The following CCDC28B variants were observed in gnomAD, a reference collection of about 807,000 sequenced individuals.
CCDC28B encodes the protein coiled-coil domain containing 28B.
A neutral mutation model predicts 18.7 loss-of-function variants in CCDC28B; 17 were observed. That is an observed-to-expected ratio of 0.91 (90% CI 0.62 to 1.36). The LOEUF is 1.36. Ranked by LOEUF, CCDC28B falls within the 40% of genes most tolerant of loss-of-function variation. The pLI is 0.00. For missense variants in CCDC28B, 213 were observed against 251.7 expected (o/e 0.85, Z 1.04); for synonymous variants, 116 against 105.1 (o/e 1.10, Z -0.64).
At chr1:32,201,168 C>T (rs574890038) in intron 1 of CCDC28B, among the ~76,000 whole-genome samples, 1 of 152,360 alleles carries the variant, frequency 6.6e-6, no homozygotes, top group South Asian at 2.1e-4. Context: ...GCAGCCCAGC[C>T]ACAGGCGCAG....
chr1:32,202,453 G>A, intron 2 of CCDC28B: 2 of 407,138 alleles, frequency 4.9e-6, no homozygotes, highest in South Asian at 2.0e-5. Flanking sequence ...GGGCCCTGGA[G>A]TATCAGGGAA....
intron 2 of CCDC28B, chr1:32,202,553 T>C (rs1643169341): frequency 2.8e-6 from 1 of 353,528 alleles, no homozygotes; most frequent in East Asian, 7.5e-5. Context: ...TGCCTTATAA[T>C]GTGTCCATGT....
chr1:32,203,877 A>C lies in CCDC28B; in HGVS notation c.165-2A>C. The C allele has an allele frequency of 6.7e-7, 1 of 1,502,334 alleles. No individual in the cohort carries two copies. The highest frequency in any genetic ancestry group is 1.4e-5 in the South Asian group (1 of 73,290). 93.1% of individuals were successfully genotyped at this position (1,502,334 alleles called of 1,614,324 possible). On this transcript the variant is annotated splice_acceptor_variant, in intron 2 of 5. Coordinates refer to ENST00000373602, the MANE Select transcript of CCDC28B (RefSeq NM_024296.5). LOFTEE classifies it high-confidence loss of function. ...GATCATGGTCATGTCCACCCCACCC[A>C]GAGTAGGCAAAGAGAAGTGCCGCCC...
At chr1:32,202,748 G>C (rs1043552824) in intron 2 of CCDC28B, 30 of 159,036 alleles carry the variant, frequency 1.9e-4, no homozygotes, top group Admixed American at 1.1e-3. Flanking sequence ...ATTTTATCCT[G>C]AGAGCAGTGG....
intron 5 of CCDC28B, 59 bp downstream of exon 5, chr1:32,204,679 T>G: frequency 6.2e-7 from 1 of 1,614,036 alleles, no homozygotes; most frequent in Non-Finnish European, 8.5e-7. Context: ...AGTTTCCTCC[T>G]CTCCAGCCCT....
intron 1 of CCDC28B, 118 bp from the exon 2 acceptor site, chr1:32,201,795 T>C (rs1406256175): frequency 3.7e-6 from 3 of 811,934 alleles, no homozygotes; most frequent in Non-Finnish European, 6.0e-6. Context: ...CCCTACCGTA[T>C]AGATGAGGTG....
chr1:32,202,220 G>C (rs1392531447), intron 2 of CCDC28B, 121 bp downstream of exon 2: 1 of 1,281,696 alleles, frequency 7.8e-7, no homozygotes, highest in South Asian at 1.3e-5. Context: ...TTCTGGAGCA[G>C]ACCCCTGAGA....
In CCDC28B at chr1:32,202,008, C is replaced by T. The variant is rs1407134; in HGVS notation, c.73C>T (p.Arg25Trp). The change falls in exon 2 of 6, where the codon CGG (arginine) becomes TGG (tryptophan). Residue 25 changes from arginine (R) to tryptophan (W), a missense_variant. Coordinates refer to ENST00000373602, the MANE Select transcript of CCDC28B (RefSeq NM_024296.5). ...AQPAQAPGTL[R>W]RVPVPTSHSG... ...GCCAGCCCAGGCCCCAGGCACACTACGGAGGGTCCCTGTGCCTACCAGCCA... is the reference window on the plus strand; with the variant it reads ...GCCAGCCCAGGCCCCAGGCACACTATGGAGGGTCCCTGTGCCTACCAGCCA... The T allele has an allele frequency of 0.025, 40,447 of 1,613,614 alleles. 754 individuals are homozygous for T. The highest frequency in any genetic ancestry group is 0.063 in the Middle Eastern group (384 of 6,058).
chr1:32,200,928 G>C (rs993154212), intron 1 of CCDC28B, among the ~76,000 whole-genome samples: 1 of 152,174 alleles, frequency 6.6e-6, no homozygotes, highest in Admixed American at 6.5e-5. Flanking sequence ...GCTGCTGCAC[G>C]GAGAGGCAGA....
chr1:32,199,622 G>T (rs1643104602), upstream of CCDC28B, among the ~76,000 whole-genome samples: 1 of 152,182 alleles, frequency 6.6e-6, no homozygotes, highest in African/African-American at 2.4e-5. Flanking sequence ...CTGAGTGTTG[G>T]AAGTACCCAG....
upstream of CCDC28B, among the ~76,000 whole-genome samples, chr1:32,200,037 G>A (rs1569651446): frequency 1.3e-5 from 2 of 152,140 alleles, no homozygotes; most frequent in African/African-American, 2.4e-5. Flanking sequence ...GGCCTGGGGG[G>A]TGGGGAGGAC....
At chr1:32,197,170 CT>C (rs1358453611), upstream of CCDC28B, 1 of 152,384 alleles carries the variant, frequency 6.6e-6, no homozygotes, top group African/African-American at 2.4e-5. This position sits in a 1 kb window ranked among gnomAD's most constrained non-coding sequence, Gnocchi z 4.6. Context: ...AGCTGCCAAC[CT>C]CACAGAGTGT....
intron 2 of CCDC28B, chr1:32,202,381 C>G (rs1250498809): frequency 3.3e-6 from 2 of 608,360 alleles, no homozygotes; most frequent in African/African-American, 3.6e-5. Context: ...GAGAGGCTTA[C>G]CTGGTATAAA....
At chr1:32,204,694 G>A (rs1347454908) in intron 5 of CCDC28B, 74 bp downstream of exon 5, 2 of 1,613,980 alleles carry the variant, frequency 1.2e-6, no homozygotes, top group African/African-American at 1.3e-5. Flanking sequence ...AGCCCTCCAG[G>A]AGTATTCACA....
intron 1 of CCDC28B, 149 bp from the exon 2 acceptor site, chr1:32,201,764 G>A (rs916269714): frequency 1.1e-5 from 7 of 640,494 alleles, no homozygotes; most frequent in Non-Finnish European, 1.9e-5. Flanking sequence ...CCCAGCAGCA[G>A]ACACTGGCAT....
At chr1:32,201,700 C>A (rs1444867396) in intron 1 of CCDC28B, 3 of 391,982 alleles carry the variant, frequency 7.7e-6, no homozygotes, top group Non-Finnish European at 1.4e-5. Context: ...GGTTTTCAGG[C>A]AGAAGGGGAA....
chr1:32,202,310 G>T, intron 2 of CCDC28B: 1 of 705,832 alleles, frequency 1.4e-6, no homozygotes, highest in Non-Finnish European at 2.6e-6. Context: ...ATCACATAGC[G>T]TGAGGATTCG....
At chr1:32,197,369 C>T (rs1370260952), upstream of CCDC28B, 2 of 152,362 alleles carry the variant, frequency 1.3e-5, no homozygotes, top group African/African-American at 4.8e-5. This position sits in a 1 kb window ranked among gnomAD's most constrained non-coding sequence, Gnocchi z 4.6. Context: ...GAGCAGGTGG[C>T]CCCAGCTGGG....
chr1:32,202,609 A>G (rs1248842284), intron 2 of CCDC28B: 3 of 303,382 alleles, frequency 9.9e-6, no homozygotes, highest in Admixed American at 4.5e-5. Context: ...GTTGCTCCAG[A>G]TAAGACCACT....
Sources: gnomAD v4.1 joint callset for allele counts (sites outside exome capture counted in the v4.1 genomes callset) on GRCh38, gnomAD v4.1.1 for gene constraint, Gnocchi (gnomAD v3.1) non-coding constraint, MANE v1.5 for transcripts, NCBI Gene and HGNC (gene_info 2026-07-23, HGNC 2026-07-21) for gene names.